Variants in SLC35F1 observed in about 807,000 individuals in gnomAD.
SLC35F1 encodes the protein solute carrier family 35 member F1, also known as chromosome 6 open reading frame 169.
A neutral mutation model predicts 48.7 loss-of-function variants in SLC35F1; 14 were observed. That is an observed-to-expected ratio of 0.29 (90% CI 0.19 to 0.45). The LOEUF is 0.45. SLC35F1 is among the 20% of genes least tolerant of loss of function. The pLI is 1.00. For missense variants in SLC35F1, 404 were observed against 500.0 expected (o/e 0.81, Z 1.83); for synonymous variants, 190 against 202.2 (o/e 0.94, Z 0.51).
At chr6:118,251,648 T>C (rs1775577158) in intron 3 of SLC35F1, among the ~76,000 whole-genome samples, 1 of 152,170 alleles carries the variant, frequency 6.6e-6, no homozygotes, top group Admixed American at 6.5e-5. Context: ...CTGATCTTTT[T>C]TCAGATCAGA....
intron 3 of SLC35F1, among the ~76,000 whole-genome samples, chr6:118,257,038 T>C (rs905796772): frequency 2.0e-5 from 3 of 152,210 alleles, no homozygotes; most frequent in Non-Finnish European, 4.4e-5. Flanking sequence ...TGAACATGTA[T>C]GTCATCTAAA....
chr6:118,107,138 G>A (rs1773337426), intron 1 of SLC35F1, among the ~76,000 whole-genome samples: 1 of 152,176 alleles, frequency 6.6e-6, no homozygotes, highest in African/African-American at 2.4e-5. Flanking sequence ...TTAGAATAGT[G>A]TCTGATACAT....
At chr6:118,064,532 C>T (rs12524008) in intron 1 of SLC35F1, among the ~76,000 whole-genome samples, 27,225 of 152,000 alleles carry the variant, frequency 0.18, 2,644 homozygotes, top group Admixed American at 0.28. Context: ...TTGCAGATGA[C>T]AGGACAACTG....
chr6:118,120,517 A>G (rs1219733855), intron 1 of SLC35F1, among the ~76,000 whole-genome samples: 1 of 152,058 alleles, frequency 6.6e-6, no homozygotes, highest in Non-Finnish European at 1.5e-5. Flanking sequence ...TGGTCATGTT[A>G]CCCCCTACAA....
At chr6:118,125,376 T>TG (rs11355076) in intron 1 of SLC35F1, among the ~76,000 whole-genome samples, 22,092 of 140,970 alleles carry the variant, frequency 0.16, 1,881 homozygotes, top group East Asian at 0.34. Context: ...TATGGTATTT[T>TG]GGGGGGGGGG....
intron 1 of SLC35F1, among the ~76,000 whole-genome samples, chr6:117,997,178 T>C (rs1470305605): frequency 4.6e-5 from 7 of 151,748 alleles, no homozygotes; most frequent in African/African-American, 2.4e-5. Context: ...GTATCAGTGA[T>C]GGAAGATGAA....
At chr6:117,979,435 G>GT (rs1776746562) in intron 1 of SLC35F1, among the ~76,000 whole-genome samples, 1 of 152,164 alleles carries the variant, frequency 6.6e-6, no homozygotes, top group Non-Finnish European at 1.5e-5. Flanking sequence ...TTAAGGATTG[G>GT]TTTTGCCTCA....
intron 1 of SLC35F1, among the ~76,000 whole-genome samples, chr6:118,041,881 T>A (rs1409198954): frequency 6.6e-6 from 1 of 151,958 alleles, no homozygotes; most frequent in African/African-American, 2.4e-5. Flanking sequence ...GGACCTTATC[T>A]ACTGGATGAG....
At chr6:118,245,240 G>C (rs1363358604) in intron 3 of SLC35F1, among the ~76,000 whole-genome samples, 1 of 152,088 alleles carries the variant, frequency 6.6e-6, no homozygotes, top group Non-Finnish European at 1.5e-5. Flanking sequence ...GTAGGTGGAG[G>C]GAAAAGACTG....
At chr6:118,064,197 C>T (rs1772581988) in intron 1 of SLC35F1, among the ~76,000 whole-genome samples, 1 of 152,126 alleles carries the variant, frequency 6.6e-6, no homozygotes, top group Non-Finnish European at 1.5e-5. Context: ...TATTCACTAC[C>T]ATGAGAACAG....
chr6:118,201,329 T>C (rs879290826), intron 2 of SLC35F1, among the ~76,000 whole-genome samples: 10 of 152,188 alleles, frequency 6.6e-5, no homozygotes, highest in Admixed American at 1.3e-4. Flanking sequence ...CCAAGAAGAA[T>C]AGGAGAAAAT....
intron 1 of SLC35F1, among the ~76,000 whole-genome samples, chr6:118,031,107 G>A (rs1004786893): frequency 6.6e-6 from 1 of 152,054 alleles, no homozygotes; most frequent in Admixed American, 6.6e-5. Context: ...TAAAATCAAT[G>A]TGAAATTTAT....
intron 2 of SLC35F1, among the ~76,000 whole-genome samples, chr6:118,197,224 C>G (rs1161974254): frequency 1.3e-5 from 2 of 151,632 alleles, no homozygotes; most frequent in Non-Finnish European, 2.9e-5. Flanking sequence ...TCTTTACTTC[C>G]CCCCTTCCAT....
chr6:118,189,941 G>A (rs1294144981), intron 2 of SLC35F1, among the ~76,000 whole-genome samples: 2 of 152,178 alleles, frequency 1.3e-5, no homozygotes, highest in African/African-American at 4.8e-5. Flanking sequence ...TGCTGGGATT[G>A]GCCAAGACTC....
At chr6:117,987,404 CTTCTCT>C (rs1253211193) in intron 1 of SLC35F1, among the ~76,000 whole-genome samples, 21 of 150,520 alleles carry the variant, frequency 1.4e-4, no homozygotes, top group Non-Finnish European at 2.8e-4. Context: ...TCCTTCTCTC[CTTCTCT>C]TTCTCTTTCT....
chr6:118,042,228 A>G (rs188105479), intron 1 of SLC35F1, among the ~76,000 whole-genome samples: 3 of 152,210 alleles, frequency 2.0e-5, no homozygotes, highest in African/African-American at 7.2e-5. Context: ...GAATACAAAG[A>G]TAAATAAGAC....
intron 2 of SLC35F1, among the ~76,000 whole-genome samples, chr6:118,220,835 T>C (rs1203720754): frequency 6.6e-6 from 1 of 152,232 alleles, no homozygotes. Flanking sequence ...TGTTACTTTG[T>C]TATCTTCATT....
At chr6:118,205,252 T>C (rs755511943) in intron 2 of SLC35F1, among the ~76,000 whole-genome samples, 17 of 152,148 alleles carry the variant, frequency 1.1e-4, no homozygotes, top group Non-Finnish European at 2.4e-4. Flanking sequence ...TGCTATTGGT[T>C]GGAGGTAAAG....
chr6:118,128,276 A>G (rs1205254391), intron 1 of SLC35F1, among the ~76,000 whole-genome samples: 1 of 147,786 alleles, frequency 6.8e-6, no homozygotes, highest in South Asian at 2.3e-4. Context: ...ATCTAGAACT[A>G]GAAATACCAT....
Sources: allele counts gnomAD v4.1 joint callset (sites outside exome capture counted in the v4.1 genomes callset), GRCh38; gene constraint gnomAD v4.1.1; transcripts MANE v1.5; gene names NCBI Gene and HGNC (gene_info 2026-07-23, HGNC 2026-07-21).